Variants in TM4SF20 observed in about 807,000 individuals in gnomAD.
TM4SF20 encodes the protein transmembrane 4 L six family member 20, also known as transmembrane 4 L6 family member 20.
In TM4SF20, 13 loss-of-function variants were observed where a neutral mutation model predicts 15.1. The ratio of observed to expected loss-of-function variants is 0.86; its 90% CI spans 0.56 to 1.36. The LOEUF (loss-of-function observed/expected upper bound fraction) is 1.36. Among genes scored for constraint, TM4SF20 ranks in the 40% most tolerant of loss-of-function variants. TM4SF20 has a pLI of 0.00. For missense variants in TM4SF20, 282 were observed against 268.4 expected (o/e 1.05, Z -0.35); for synonymous variants, 92 against 96.6 (o/e 0.95, Z 0.28).
chr2:227,380,088 G>A (rs1331634051), upstream of TM4SF20, among the ~76,000 whole-genome samples: 1 of 152,202 alleles, frequency 6.6e-6, no homozygotes, highest in African/African-American at 2.4e-5. Context: ...CAGTGCTTTG[G>A]GAGGCCAAAG....
chr2:227,375,535 G>T (rs953473878), intron 1 of TM4SF20, among the ~76,000 whole-genome samples: 1 of 152,084 alleles, frequency 6.6e-6, no homozygotes, highest in Non-Finnish European at 1.5e-5. Context: ...TGTCACCTAG[G>T]CTGGAGTACA....
rs368331585 is a variant in TM4SF20 at position 227,363,997 on chromosome 2, T to A, written c.417A>T (p.Glu139Asp). The A allele has an allele frequency of 8.1e-6, 13 of 1,609,562 alleles. No individual in the cohort carries two copies. The highest frequency in any genetic ancestry group is 6.7e-5 in the East Asian group (3 of 44,840). ...TGAAAAACCACTGCAAGTTGAAGGA[T>A]TCTGGATGAATGTCACTGAAAAACA... is the stretch of plus-strand genomic sequence containing the variant. ...SLKNISDIHPESFNLQWFFND... is the reference protein window; with the variant it reads ...SLKNISDIHPDSFNLQWFFND... The change falls in exon 4 of 4, where the codon GAA becomes GAT. Residue 139 changes from glutamate to aspartate, a missense_variant. Transcript: ENST00000304568.
upstream of TM4SF20, among the ~76,000 whole-genome samples, chr2:227,379,528 C>T (rs539476695): frequency 1.6e-3 from 240 of 152,194 alleles, 2 homozygotes; most frequent in African/African-American, 5.6e-3. Context: ...GATAGGCTTA[C>T]GATAAGCTCC....
upstream of TM4SF20, among the ~76,000 whole-genome samples, chr2:227,380,283 T>C (rs2076473578): frequency 6.6e-6 from 1 of 152,144 alleles, no homozygotes. Flanking sequence ...TGAGCTGAGA[T>C]TGCACCACTG....
chr2:227,373,432 T>G (rs374213586), intron 1 of TM4SF20, among the ~76,000 whole-genome samples: 1 of 152,212 alleles, frequency 6.6e-6, no homozygotes, highest in Admixed American at 6.5e-5. Context: ...CAAATAGGTA[T>G]CAGTATTCGT....
At chr2:227,370,739 C>T (rs551302133) in intron 2 of TM4SF20, among the ~76,000 whole-genome samples, 176 bp downstream of exon 2, 25 of 152,270 alleles carry the variant, frequency 1.6e-4, no homozygotes. Flanking sequence ...GTCTCAGCAA[C>T]AGAGCAAGAC....
intron 3 of TM4SF20, among the ~76,000 whole-genome samples, chr2:227,364,727 G>T (rs2076382657): frequency 6.6e-6 from 1 of 152,188 alleles, no homozygotes; most frequent in African/African-American, 2.4e-5. Flanking sequence ...TCACTCTCTT[G>T]TAACTTTGCT....
At chr2:227,367,758 T>A (rs1489292424) in intron 2 of TM4SF20, among the ~76,000 whole-genome samples, 2 of 152,158 alleles carry the variant, frequency 1.3e-5, no homozygotes, top group East Asian at 3.9e-4. Flanking sequence ...CTCATTTAAT[T>A]CTTTTCATAA....
intron 1 of TM4SF20, among the ~76,000 whole-genome samples, chr2:227,373,434 A>T (rs1004250793): frequency 6.6e-6 from 1 of 152,356 alleles, no homozygotes; most frequent in East Asian, 1.9e-4. Context: ...AATAGGTATC[A>T]GTATTCGTGC....
intron 1 of TM4SF20, among the ~76,000 whole-genome samples, chr2:227,374,419 A>G (rs2106494532): frequency 7.2e-6 from 1 of 139,768 alleles, no homozygotes; most frequent in South Asian, 2.5e-4. Flanking sequence ...TTAGACAGAC[A>G]CTAAAACTGT....
rs186753498 is a variant in TM4SF20 at position 227,373,636 on chromosome 2, A to G, written c.184-2656T>C. Among the ~76,000 whole-genome samples the G allele has an allele frequency of 2.5e-3, 383 of 152,262 alleles. 2 individuals carry two copies. The highest frequency in any genetic ancestry group is 3.5e-3 in the Non-Finnish European group (237 of 68,022). ...TTTTGTGCACCAAGAGTAGAGTTAA[A>G]TTGTGTGGAAGAGGCCGGGCGCGGT... On this transcript the variant is annotated intron_variant, in intron 1 of 3. Coordinates refer to ENST00000304568, the MANE Select transcript of TM4SF20 (RefSeq NM_024795.4).
intron 2 of TM4SF20, among the ~76,000 whole-genome samples, chr2:227,367,267 C>T (rs985266703): frequency 1.3e-5 from 2 of 152,120 alleles, no homozygotes; most frequent in Non-Finnish European, 2.9e-5. Flanking sequence ...TTGAGAGCCA[C>T]TGTGTTAGAA....
chr2:227,372,982 T>C lies in TM4SF20; in HGVS notation c.184-2002A>G, dbSNP rs116101686. On this transcript the variant is annotated intron_variant, in intron 1 of 3. Transcript: ENST00000304568. ...GTGATCGCCTCGGCCTCCTAAAGCA[T>C]TGAGATTACAGGTGAGCCTCTGTGC... Among the ~76,000 whole-genome samples the C allele has an allele frequency of 7.5e-3, 1,141 of 152,228 alleles. 19 individuals carry two copies. Among genetic ancestry groups the C allele is most frequent in the African/African-American group, 0.026 (1,097 of 41,538 alleles).
intron 3 of TM4SF20, among the ~76,000 whole-genome samples, chr2:227,364,795 C>T (rs918225340): frequency 3.3e-5 from 5 of 152,202 alleles, no homozygotes; most frequent in South Asian, 2.1e-4. Context: ...GTCTGCAGAG[C>T]GTAGCCTGGT....
rs1187253954 is a variant in TM4SF20 at position 227,366,741 on chromosome 2, AAAAAAAAAAAAAAAAG to A, written c.250-513_250-498del. On this transcript the variant is annotated intron_variant, in intron 2 of 3. Transcript: ENST00000304568. Reference sequence around the variant, plus strand: ...CAAAAAAAAAAAAAAAAAAAAAAAAAAAAAAAAAAAAAAAAGATGGTTTGGCTTGTCACTGTCTCTG... The same window carrying A: ...CAAAAAAAAAAAAAAAAAAAAAAAAAATGGTTTGGCTTGTCACTGTCTCTG... Among the ~76,000 whole-genome samples the A allele has an allele frequency of 1.0e-3, 101 of 100,106 alleles. 2 individuals carry two copies. Among genetic ancestry groups the A allele is most frequent in the African/African-American group, 3.6e-3 (82 of 22,518 alleles). 65.7% of individuals were successfully genotyped at this position (100,106 alleles called of 152,430 possible).
At chr2:227,368,350 T>TATATATATATATATAA (rs2076403937) in intron 2 of TM4SF20, among the ~76,000 whole-genome samples, 1 of 136,162 alleles carries the variant, frequency 7.3e-6, no homozygotes, top group Non-Finnish European at 1.6e-5. Flanking sequence ...TATATATATA[T>TATATATATATATATAA]ATATAATTTT....
At position 227,379,189 on chromosome 2, in the gene TM4SF20, G is replaced by C; in HGVS notation, c.80C>G (p.Ala27Gly). 6.2e-7 allele frequency: 1 copy of C among 1,613,954 alleles called. No individual in the cohort carries two copies. Among genetic ancestry groups the C allele is most frequent in the South Asian group, 1.1e-5 (1 of 91,080 alleles). ...AACTAAGCTGACAATTAGAGGTATC[G>C]CATTGAGAACTACTCCTAACAGCAG... ...VLLLLGVVLNAIPLIVSLVEE... is the reference protein window; with the variant it reads ...VLLLLGVVLNGIPLIVSLVEE... Residue 27 changes from alanine to glycine, a missense_variant, in exon 1 of 4, where the codon GCG (alanine) becomes GGG (glycine). Ala to Gly is a moderately conservative substitution (Grantham distance 60, BLOSUM62 0). Transcript: ENST00000304568.
chr2:227,364,609 G>A (rs2076381909), intron 3 of TM4SF20, among the ~76,000 whole-genome samples: 1 of 152,120 alleles, frequency 6.6e-6, no homozygotes, highest in Non-Finnish European at 1.5e-5. Context: ...ATGTTCTTAG[G>A]GAGTTTGCAT....
chr2:227,363,564 C>A lies in TM4SF20; in HGVS notation c.*160G>T, dbSNP rs1391477368. ...AAAACTAATTGAAAATTCTCTCCAC[C>A]TTTCCCAAATCAACCACTGATATGA... On this transcript the variant is annotated 3_prime_UTR_variant, in exon 4 of 4. Transcript: ENST00000304568. 2 of 727,944 alleles carry A rather than the reference C, an allele frequency of 2.7e-6. No homozygotes were observed. The highest frequency in any genetic ancestry group is 4.1e-4 in the Middle Eastern group (1 of 2,456). 45.1% of individuals were successfully genotyped at this position (727,944 alleles called of 1,614,324 possible).
Sources: gnomAD v4.1 joint callset for allele counts (sites outside exome capture counted in the v4.1 genomes callset) on GRCh38, gnomAD v4.1.1 for gene constraint, MANE v1.5 for transcripts, NCBI Gene and HGNC (gene_info 2026-07-23, HGNC 2026-07-21) for gene names.